RELCH: variants seen among roughly 807,000 people sequenced by gnomAD.
RELCH encodes RAB11-binding protein RELCH.
Under a neutral mutation model 150.3 loss-of-function variants are expected in RELCH, and 41 were observed. The ratio of observed to expected loss-of-function variants is 0.27; its 90% CI spans 0.21 to 0.35. The LOEUF is 0.35. RELCH is among the 10% of genes least tolerant of loss of function. RELCH has a pLI of 1.00. For missense variants in RELCH, 1,092 were observed against 1,467.8 expected (o/e 0.74, Z 4.18); for synonymous variants, 478 against 531.8 (o/e 0.90, Z 1.39).
chr18:62,221,319 T>A, intron 4 of RELCH, 45 bp downstream of exon 4: 1 of 1,552,402 alleles, frequency 6.4e-7, no homozygotes, highest in East Asian at 2.2e-5. Context: ...CCACATTAAA[T>A]GGTAACATAA....
intron 20 of RELCH, among the ~76,000 whole-genome samples, chr18:62,270,471 G>A (rs984563550): frequency 6.6e-6 from 1 of 152,136 alleles, no homozygotes; most frequent in Admixed American, 6.6e-5. Flanking sequence ...AGTCCCACCA[G>A]TAAGGTGGAA....
intron 23 of RELCH, 172 bp from the exon 24 acceptor site, chr18:62,280,474 C>T: frequency 6.3e-7 from 1 of 1,579,490 alleles, no homozygotes; most frequent in Non-Finnish European, 8.7e-7. Context: ...CTTAAGTTAT[C>T]CTGTCTGTCT....
chr18:62,248,717 C>T (rs1600074101), intron 11 of RELCH, among the ~76,000 whole-genome samples: 1 of 152,098 alleles, frequency 6.6e-6, no homozygotes, highest in Non-Finnish European at 1.5e-5. Context: ...TGAATTTGTG[C>T]ATCACTGGGT....
chr18:62,232,463 C>A (rs1196361759), intron 10 of RELCH, 36 bp downstream of exon 10: 5 of 1,242,598 alleles, frequency 4.0e-6, no homozygotes, highest in Non-Finnish European at 5.9e-6. Context: ...CCCAGTAATC[C>A]CATCATGTTG....
intron 5 of RELCH, among the ~76,000 whole-genome samples, chr18:62,227,044 T>C (rs1328439652): frequency 6.6e-6 from 1 of 151,814 alleles, no homozygotes; most frequent in Admixed American, 6.6e-5. Flanking sequence ...TTTTTTTTGA[T>C]TGGTTCGGCA....
chr18:62,276,463 C>T (rs976422356), intron 22 of RELCH, among the ~76,000 whole-genome samples: 9 of 152,028 alleles, frequency 5.9e-5, no homozygotes, highest in Non-Finnish European at 1.3e-4. Flanking sequence ...TTTTTTCCAT[C>T]CATGCTATTA....
Position 62,187,479 on chromosome 18 carries a change from A to C in RELCH, c.-27A>C, listed in dbSNP as rs2038190214. The C allele has an allele frequency of 2.7e-6, 4 of 1,496,240 alleles. No individual in the cohort carries two copies. In the African/African-American group the frequency reaches 5.6e-5, roughly 21 times the overall value. The allele number at this position is 1,496,240 out of a possible 1,614,324, so 92.7% of individuals were successfully genotyped here. A position where few individuals can be genotyped will look rare whatever the true frequency, so the allele number is the denominator to read the frequency against. ...TGCGGCCCGTCGGAACCAGTCAGGGAGGCGCCCACACTCCTGACAGGATAA... is the reference window on the plus strand; with the variant it reads ...TGCGGCCCGTCGGAACCAGTCAGGGCGGCGCCCACACTCCTGACAGGATAA... On this transcript the variant is annotated 5_prime_UTR_variant, in exon 1 of 29. Coordinates refer to ENST00000644646, the MANE Select transcript of RELCH (RefSeq NM_001346231.2).
intron 1 of RELCH, among the ~76,000 whole-genome samples, chr18:62,197,767 A>G (rs1568298208): frequency 1.3e-5 from 2 of 152,236 alleles, no homozygotes; most frequent in South Asian, 4.1e-4. Context: ...GGATTATACT[A>G]AGATACAGGA....
At chr18:62,229,198 A>C (rs1297848807) in intron 8 of RELCH, among the ~76,000 whole-genome samples, 5 of 152,092 alleles carry the variant, frequency 3.3e-5, no homozygotes, top group Non-Finnish European at 7.4e-5. Context: ...ACTTTTAAGA[A>C]AGGAATATTA....
intron 13 of RELCH, 75 bp downstream of exon 13, chr18:62,255,553 A>T (rs1489788244): frequency 9.7e-7 from 1 of 1,033,416 alleles, no homozygotes; most frequent in Non-Finnish European, 1.4e-6. Context: ...TGTCTTATAG[A>T]TTTTAATCCA....
chr18:62,238,939 T>C (rs1195223656), intron 10 of RELCH, among the ~76,000 whole-genome samples: 2 of 152,130 alleles, frequency 1.3e-5, no homozygotes, highest in African/African-American at 4.8e-5. Context: ...TTGGTACCTC[T>C]ACAGACCTCC....
At chr18:62,270,229 C>T (rs1363029772) in intron 20 of RELCH, among the ~76,000 whole-genome samples, 1 of 152,174 alleles carries the variant, frequency 6.6e-6, no homozygotes, top group African/African-American at 2.4e-5. Flanking sequence ...TAGGCTAAGG[C>T]TTAGGCCTGG....
chr18:62,196,640 A>G (rs1015687992), intron 1 of RELCH, among the ~76,000 whole-genome samples: 4 of 152,096 alleles, frequency 2.6e-5, no homozygotes, highest in African/African-American at 4.8e-5. Context: ...TGTAACTGTC[A>G]TTTTTCTTTC....
chr18:62,220,075 A>G (rs994374725), intron 2 of RELCH, among the ~76,000 whole-genome samples: 1 of 152,102 alleles, frequency 6.6e-6, no homozygotes, highest in African/African-American at 2.4e-5. Flanking sequence ...CTAACATTTT[A>G]AAGAGCTTAT....
chr18:62,190,706 A>C (rs917619013), intron 1 of RELCH, among the ~76,000 whole-genome samples: 9 of 152,156 alleles, frequency 5.9e-5, no homozygotes, highest in Non-Finnish European at 5.9e-5. Context: ...GAATTTCTCA[A>C]CCTGGGCCTG....
At chr18:62,271,577 A>C (rs1178281650) in intron 20 of RELCH, among the ~76,000 whole-genome samples, 4 of 152,114 alleles carry the variant, frequency 2.6e-5, no homozygotes, top group Non-Finnish European at 5.9e-5. Context: ...GCTGTGCAGA[A>C]GCTTTTTAGT....
chr18:62,283,924 G>A (rs1354274738), intron 25 of RELCH, among the ~76,000 whole-genome samples: 5 of 152,150 alleles, frequency 3.3e-5, no homozygotes, highest in African/African-American at 2.4e-5. Context: ...CATGTTAAAC[G>A]GGTCTTTGGT....
At chr18:62,230,325 T>A (rs530806105) in intron 8 of RELCH, among the ~76,000 whole-genome samples, 1 of 152,050 alleles carries the variant, frequency 6.6e-6, no homozygotes, top group South Asian at 2.1e-4. Flanking sequence ...TGATTTGAGG[T>A]TTCTGACTTG....
In RELCH at chr18:62,231,204, C is replaced by T. The variant is rs146616407; in HGVS notation, c.1459C>T (p.Pro487Ser). 1.5e-4 allele frequency: 240 copies of T among 1,597,396 alleles called. No homozygotes were observed. The African/African-American group carries it at 2.9e-3, about 19-fold the overall frequency. ...TACATTTTCTTCTAGGAAATTGTCT[C>T]CTGCATTCCATCAAGCACTACTCTC... ...HFDKPNRKLS[P>S]AFHQALLSFC... Residue 487 changes from proline (P) to serine (S), a missense_variant, in exon 9 of 29, where the codon CCT (proline) becomes TCT (serine). Pro to Ser is a moderately conservative substitution (Grantham distance 74). This residue lies in a region of RELCH where 707 missense variants were observed against 1,025.4 expected (regional missense o/e 0.69). Coordinates refer to ENST00000644646, the MANE Select transcript of RELCH (RefSeq NM_001346231.2).
Sources: allele counts gnomAD v4.1 joint callset (sites outside exome capture counted in the v4.1 genomes callset), GRCh38; gene constraint gnomAD v4.1.1; regional missense constraint gnomAD v4.1.1; transcripts MANE v1.5; gene names NCBI Gene and HGNC (gene_info 2026-07-23, HGNC 2026-07-21).